RABGGTA: variants seen among roughly 807,000 people sequenced by gnomAD.
The protein encoded by RABGGTA is geranylgeranyl transferase type-2 subunit alpha.
A neutral mutation model predicts 83.3 loss-of-function variants in RABGGTA; 69 were observed. That is an observed-to-expected ratio of 0.83 (90% CI 0.68 to 1.01). The LOEUF is 1.01. Ranked by LOEUF, RABGGTA falls within the 50% of genes least tolerant of loss-of-function variation. The probability of loss-of-function intolerance (pLI) is 0.00; values close to 1 mark genes in which losing one functional copy is unlikely to be tolerated. For synonymous variants in RABGGTA, 310 were observed against 299.8 expected, an observed-to-expected ratio of 1.03 and a Z score of -0.35; for missense variants, 681 against 712.7, an observed-to-expected ratio of 0.96 and a Z score of 0.51.
intron 7 of RABGGTA, 22 bp from the exon 8 acceptor site, chr14:24,269,015 T>C (rs1372101309): frequency 6.3e-7 from 1 of 1,578,708 alleles, no homozygotes; most frequent in East Asian, 2.3e-5. Flanking sequence ...CAGTGTCAGA[T>C]TTCTTTAAAC....
intron 16 of RABGGTA, among the ~76,000 whole-genome samples, chr14:24,266,131 C>T (rs987605982): frequency 6.6e-6 from 1 of 152,170 alleles, no homozygotes; most frequent in Non-Finnish European, 1.5e-5. Flanking sequence ...AATTAGAACT[C>T]TAGATGTTTT....
rs995404881 is a variant in RABGGTA, at chr14:24,271,471, C to G, written c.-55+16G>C. On this transcript the variant is annotated intron_variant, in intron 1 of 16. Coordinates refer to ENST00000216840, the MANE Select transcript of RABGGTA (RefSeq NM_182836.3). ...CACGGCTCCCGGGCACCCCCGCCCC[C>G]CGCGGGCGGACCCACCTGCGCTGGG... 8 of 209,252 alleles carry G rather than the reference C, an allele frequency of 3.8e-5. No homozygotes were observed. Among genetic ancestry groups the G allele is most frequent in the Admixed American group, 5.9e-5 (1 of 16,868 alleles). The allele number at this position is 209,252 out of a possible 1,614,324, so 13.0% of individuals were successfully genotyped here.
intron 4 of RABGGTA, 77 bp from the exon 5 acceptor site, chr14:24,270,217 G>A: frequency 6.4e-7 from 1 of 1,554,542 alleles, no homozygotes; most frequent in Non-Finnish European, 8.7e-7. Context: ...TCTGCACCCA[G>A]CCCCCTACTA....
intron 12 of RABGGTA, 36 bp from the exon 13 acceptor site, chr14:24,267,994 G>C (rs904019268): frequency 1.2e-6 from 2 of 1,606,112 alleles, no homozygotes; most frequent in Non-Finnish European, 1.7e-6. Context: ...GGTTTCTCTT[G>C]GAACCTCCTC....
Position 24,270,973 on chromosome 14 carries a change from G to C in RABGGTA, c.4-26C>G, listed in dbSNP as rs777974458. 3 of 1,611,434 alleles carry C rather than the reference G, an allele frequency of 1.9e-6. No homozygotes were observed. In the South Asian group the frequency reaches 3.3e-5, roughly 18 times the overall value. On this transcript the variant is annotated intron_variant, in intron 2 of 16. Coordinates refer to ENST00000216840, the MANE Select transcript of RABGGTA (RefSeq NM_182836.3). Reference sequence around the variant, plus strand: ...CTACAAGGATGAACGGGTTGGAAGAGTGCAGGTTGCCTTGCAGAAGCTGAC... The same window carrying C: ...CTACAAGGATGAACGGGTTGGAAGACTGCAGGTTGCCTTGCAGAAGCTGAC...
chr14:24,269,124 T>C lies in RABGGTA; in HGVS notation c.671A>G (p.Asn224Ser), dbSNP rs200739130. Reference sequence around the variant, plus strand: ...GTGATAAAACCAGGCACTCTGGTCATTGGGGTCAGTGAAGAAGGCATTCTG... The same window carrying C: ...GTGATAAAACCAGGCACTCTGGTCACTGGGGTCAGTGAAGAAGGCATTCTG... ...LVQNAFFTDPNDQSAWFYHRW... is the reference protein window; with the variant it reads ...LVQNAFFTDPSDQSAWFYHRW... The change falls in exon 7 of 17, where the codon AAT (asparagine) becomes AGT (serine). Residue 224 changes from asparagine (N) to serine (S), a missense_variant. Asn to Ser is a conservative substitution (Grantham distance 46). Transcript: ENST00000216840. 57 of 1,611,954 alleles carry C rather than the reference T, an allele frequency of 3.5e-5. No homozygotes were observed. Among genetic ancestry groups the C allele is most frequent in the African/African-American group, 5.3e-5 (4 of 74,890 alleles).
rs1278021375 is a variant in RABGGTA, at chr14:24,267,779, G to A, written c.1237-3C>T. On this transcript the variant is annotated splice_polypyrimidine_tract_variant and splice_region_variant and intron_variant, in intron 13 of 16. Transcript: ENST00000216840. ...GTTGCCCGCATGGGGTCCACGGCCT[G>A]GAGTGGATGAGGTGGGCAGGGTATG... The A allele has an allele frequency of 2.5e-6, 4 of 1,612,516 alleles. No homozygotes were observed. Among genetic ancestry groups the A allele is most frequent in the Non-Finnish European group, 3.4e-6 (4 of 1,179,646 alleles).
chr14:24,269,862 G>T, intron 5 of RABGGTA, 91 bp downstream of exon 5: 1 of 1,502,426 alleles, frequency 6.7e-7, no homozygotes, highest in Non-Finnish European at 9.0e-7. Flanking sequence ...ACCCATCCTG[G>T]ATATCCCTCC....
chr14:24,269,353 G>GATT, intron 6 of RABGGTA, 138 bp downstream of exon 6: 1 of 1,154,766 alleles, frequency 8.7e-7, no homozygotes, highest in Non-Finnish European at 1.2e-6. Context: ...GCCAGGGACT[G>GATT]ATTCTTAAGC....
At chr14:24,267,573 A>T in intron 14 of RABGGTA, 87 bp downstream of exon 14, 1 of 1,046,292 alleles carries the variant, frequency 9.6e-7, no homozygotes, top group Non-Finnish European at 1.4e-6. Context: ...GAAGTCCACA[A>T]AGGCACCTGA....
At chr14:24,267,991 C>T in intron 12 of RABGGTA, 33 bp from the exon 13 acceptor site, 1 of 1,607,414 alleles carries the variant, frequency 6.2e-7, no homozygotes, top group East Asian at 2.2e-5. Context: ...GAGGGTTTCT[C>T]TTGGAACCTC....
At chr14:24,266,746 G>A (rs375347846) in intron 15 of RABGGTA, 30 bp downstream of exon 15, 19 of 1,568,400 alleles carry the variant, frequency 1.2e-5, no homozygotes, top group African/African-American at 8.1e-5. Flanking sequence ...AGAACCACCC[G>A]TGACAGGGAC....
In RABGGTA at chr14:24,268,918, G is replaced by C. The variant is rs755647894; in HGVS notation, c.791C>G (p.Pro264Arg). The change falls in exon 8 of 17, where the codon CCC becomes CGC. Residue 264 changes from proline (P) to arginine (R), a missense_variant. By Grantham distance (103) the Pro-to-Arg change is moderately radical. Coordinates refer to ENST00000216840, the MANE Select transcript of RABGGTA (RefSeq NM_182836.3). ...AAAAGCTGCAGGACTCACTAAGAGG[G>C]GCCGAGAGAAGGAGACAGTCAGACA... ...EACLTVSFSR[P>R]LLVGSRMEIL... is the part of the protein sequence containing the mutation. 1.3e-6 allele frequency: 2 copies of C among 1,583,646 alleles called. No homozygotes were observed. The highest frequency in any genetic ancestry group is 2.3e-5 in the South Asian group (2 of 86,742).
intron 14 of RABGGTA, among the ~76,000 whole-genome samples, 194 bp from the exon 15 acceptor site, chr14:24,267,083 T>C (rs2040883577): frequency 6.6e-6 from 1 of 152,090 alleles, no homozygotes; most frequent in Non-Finnish European, 1.5e-5. Context: ...CAGACAGTGC[T>C]GCGAGTGGGG....
At chr14:24,269,764 G>A in intron 5 of RABGGTA, 70 bp from the exon 6 acceptor site, 1 of 1,530,858 alleles carries the variant, frequency 6.5e-7, no homozygotes, top group Non-Finnish European at 8.9e-7. Flanking sequence ...GACCCCTAGA[G>A]TCCCCTCAGG....
Position 24,266,909 on chromosome 14 carries a change from A to G in RABGGTA, c.1354-20T>C. On this transcript the variant is annotated intron_variant, in intron 14 of 16. Coordinates refer to ENST00000216840, the MANE Select transcript of RABGGTA (RefSeq NM_182836.3). ...CAGATCCTGGGGGGTGAAGGGAGGA[A>G]GGAGGTGATGGGCTTCCCAGGAGAC... is the stretch of plus-strand genomic sequence containing the variant. The G allele has an allele frequency of 1.3e-6, 2 of 1,584,508 alleles. No individual in the cohort carries two copies. The highest frequency in any genetic ancestry group is 1.7e-6 in the Non-Finnish European group (2 of 1,153,564).
At position 24,266,791 on chromosome 14, in the gene RABGGTA, G is replaced by A. The variant is rs2040879283; in HGVS notation, c.1452C>T (p.Ala484=). ...RLRTLPPALA[A]LRCLEVLQAS... ...GGTACTTTACCTCAAGGCAGCGCAG[G>A]GCAGCCAGTGCAGGTGGCAGGGTTC... The change falls in exon 15 of 17, where the codon GCC becomes GCT. Residue 484 remains alanine, a synonymous_variant. Transcript: ENST00000216840. 6.2e-7 allele frequency: 1 copy of A among 1,613,394 alleles called. No individual in the cohort carries two copies. Among genetic ancestry groups the A allele is most frequent in the Non-Finnish European group, 8.5e-7 (1 of 1,179,398 alleles).
chr14:24,267,328 C>T (rs1266365655), intron 14 of RABGGTA, among the ~76,000 whole-genome samples: 1 of 152,102 alleles, frequency 6.6e-6, no homozygotes, highest in Non-Finnish European at 1.5e-5. Flanking sequence ...AGTATTTGGC[C>T]TTCAGGTATT....
At chr14:24,268,669 T>C in intron 9 of RABGGTA, 50 bp from the exon 10 acceptor site, 2 of 1,610,886 alleles carry the variant, frequency 1.2e-6, no homozygotes, top group Non-Finnish European at 1.7e-6. Flanking sequence ...CTTTTTTGAC[T>C]GTCCCACCCA....
Sources: allele counts gnomAD v4.1 joint callset (sites outside exome capture counted in the v4.1 genomes callset), GRCh38; gene constraint gnomAD v4.1.1; transcripts MANE v1.5; gene names NCBI Gene and HGNC (gene_info 2026-07-23, HGNC 2026-07-21).